The following SPARCL1 variants were observed in gnomAD, a reference collection of about 807,000 sequenced individuals.
SPARCL1 encodes the protein SPARC-like protein 1.
SPARCL1 carries 52 observed loss-of-function variants against 67.1 expected under a neutral mutation model. The observed-to-expected ratio is 0.78, with a 90% CI of 0.62 to 0.98. SPARCL1 has a LOEUF of 0.98. SPARCL1 is among the 50% of genes least tolerant of loss of function. The pLI, the probability that SPARCL1 is intolerant of heterozygous loss-of-function variation, is 0.00. For synonymous variants in SPARCL1, 226 were observed against 267.8 expected (o/e 0.84, Z 1.52); for missense variants, 717 against 782.4 (o/e 0.92, Z 1.00).
chr4:87,475,554 C>T (rs996178136), intron 10 of SPARCL1, among the ~76,000 whole-genome samples: 4 of 152,172 alleles, frequency 2.6e-5, no homozygotes, highest in African/African-American at 9.7e-5. Context: ...CAATTATTCT[C>T]TGTATGCTTA....
At chr4:87,486,214 T>C (rs1724051432) in intron 7 of SPARCL1, among the ~76,000 whole-genome samples, 1 of 152,174 alleles carries the variant, frequency 6.6e-6, no homozygotes, top group Admixed American at 6.6e-5. Flanking sequence ...GTGGTATATA[T>C]TTCCCTCTAA....
intron 1 of SPARCL1, among the ~76,000 whole-genome samples, chr4:87,503,683 C>CTTTTT (rs60057481): frequency 6.5e-5 from 9 of 138,066 alleles, no homozygotes; most frequent in African/African-American, 5.4e-5. Flanking sequence ...TTTTTTTTTC[C>CTTTTT]TTTTTTTTTT....
intron 7 of SPARCL1, among the ~76,000 whole-genome samples, chr4:87,488,275 T>C (rs1724156071): frequency 6.6e-6 from 1 of 151,986 alleles, no homozygotes; most frequent in South Asian, 2.1e-4. Context: ...TTGGATGGGG[T>C]TTTTGTGTGG....
intron 7 of SPARCL1, among the ~76,000 whole-genome samples, chr4:87,488,901 G>A (rs1019038393): frequency 1.3e-5 from 2 of 150,930 alleles, no homozygotes; most frequent in African/African-American, 5.0e-5. Flanking sequence ...AGGGAAAACC[G>A]CCAACTCAAG....
chr4:87,490,678 G>A, intron 6 of SPARCL1, 82 bp downstream of exon 6: 1 of 1,008,386 alleles, frequency 9.9e-7, no homozygotes, highest in East Asian at 2.5e-5. Flanking sequence ...CCTTTTTTAA[G>A]CAAAAATTTC....
intron 1 of SPARCL1, among the ~76,000 whole-genome samples, chr4:87,521,234 A>G (rs1418538650): frequency 6.6e-6 from 1 of 152,184 alleles, no homozygotes; most frequent in Non-Finnish European, 1.5e-5. Flanking sequence ...GAAGTTCTGT[A>G]TATTGCCATG....
chr4:87,483,770 C>T lies in SPARCL1; in HGVS notation c.1532-1210G>A, dbSNP rs534854617. On this transcript the variant is annotated intron_variant, in intron 7 of 10. Coordinates refer to ENST00000282470, the MANE Select transcript of SPARCL1 (RefSeq NM_004684.6). ...TGTTGTTTCCTGACTTTTTAATGAT[C>T]GCCATTCTAACTGGTGAGAGATGGT... 1.3e-3 allele frequency among the ~76,000 whole-genome samples: 203 copies of T among 152,244 alleles called. 1 individual carries two copies. The highest frequency in any genetic ancestry group is 3.4e-3 in the Middle Eastern group (1 of 294).
At chr4:87,473,986 C>T (rs1723458784) in intron 10 of SPARCL1, among the ~76,000 whole-genome samples, 183 bp from the exon 11 acceptor site, 1 of 152,130 alleles carries the variant, frequency 6.6e-6, no homozygotes, top group South Asian at 2.1e-4. Context: ...TAGGCCTCAC[C>T]TCTGGACTCT....
intron 1 of SPARCL1, among the ~76,000 whole-genome samples, chr4:87,521,785 C>A (rs1403132217): frequency 6.6e-6 from 1 of 152,222 alleles, no homozygotes; most frequent in African/African-American, 2.4e-5. Context: ...CTTGGCCTAT[C>A]ATTTCCTGGA....
intron 1 of SPARCL1, among the ~76,000 whole-genome samples, chr4:87,522,590 G>A (rs772962060): frequency 1.3e-5 from 2 of 149,906 alleles, no homozygotes; most frequent in Admixed American, 6.7e-5. Context: ...AAGTGTTCAC[G>A]CTGTCAGAAT....
At chr4:87,484,065 G>A (rs1482990434) in intron 7 of SPARCL1, among the ~76,000 whole-genome samples, 1 of 152,090 alleles carries the variant, frequency 6.6e-6, no homozygotes, top group African/African-American at 2.4e-5. Context: ...TTCTTTTGCT[G>A]TGCAGAAGCT....
chr4:87,507,479 G>A lies in SPARCL1; in HGVS notation c.-11-7894C>T, dbSNP rs1454833903. Reference sequence around the variant, plus strand: ...CATTTTTTTTAAATTCATTCATTGAGTACTTACTAGACACTGCCTAAGCAC... The same window carrying A: ...CATTTTTTTTAAATTCATTCATTGAATACTTACTAGACACTGCCTAAGCAC... On this transcript the variant is annotated intron_variant, in intron 1 of 10. Coordinates refer to ENST00000282470, the MANE Select transcript of SPARCL1 (RefSeq NM_004684.6). Among the ~76,000 whole-genome samples, 3 of 151,990 alleles carry A rather than the reference G, an allele frequency of 2.0e-5. No homozygotes were observed. The South Asian group carries it at 6.2e-4, about 31-fold the overall frequency.
chr4:87,482,486 T>C lies in SPARCL1; in HGVS notation c.1606A>G (p.Met536Val), dbSNP rs770299707. The change falls in exon 8 of 11, where the codon ATG (methionine) becomes GTG (valine). Residue 536 changes from methionine (M) to valine (V), a missense_variant. Met to Val is a conservative substitution (Grantham distance 21). Transcript: ENST00000282470. ...RMRDWLKNIL[M>V]QLYEANSEHA... is the part of the protein sequence containing the mutation. Reference sequence around the variant, plus strand: ...TCAGAGTTGGCTTCATAAAGCTGCATGAGGATATTCTTGAGCCAGTCTCTC... The same window carrying C: ...TCAGAGTTGGCTTCATAAAGCTGCACGAGGATATTCTTGAGCCAGTCTCTC... The C allele has an allele frequency of 1.9e-6, 3 of 1,613,948 alleles. No individual in the cohort carries two copies. The highest frequency in any genetic ancestry group is 2.2e-5 in the East Asian group (1 of 44,890).
chr4:87,478,638 A>C (rs746038254), intron 10 of SPARCL1, among the ~76,000 whole-genome samples: 8 of 151,838 alleles, frequency 5.3e-5, no homozygotes, highest in African/African-American at 7.3e-5. Flanking sequence ...GGGTTTCACC[A>C]TGTTGGCCAG....
At chr4:87,490,171 T>G in intron 7 of SPARCL1, 102 bp downstream of exon 7, 1 of 1,278,866 alleles carries the variant, frequency 7.8e-7, no homozygotes, top group Non-Finnish European at 1.0e-6. Context: ...TGTTCAGAAC[T>G]ACATCAGCTT....
chr4:87,488,853 C>T lies in SPARCL1; in HGVS notation c.1531+1420G>A, dbSNP rs149830145. Among the ~76,000 whole-genome samples the T allele has an allele frequency of 5.5e-3, 832 of 152,292 alleles. 2 individuals are homozygous for T. Among genetic ancestry groups the T allele is most frequent in the Middle Eastern group, 0.014 (4 of 294 alleles). The stretch of plus-strand genomic sequence containing the variant: ...TTTCTGGTGCTGCCGTGGGCTCCAC[C>T]CAGTCCGAACTTCCTAGCAGCTTTG... On this transcript the variant is annotated intron_variant, in intron 7 of 10. Coordinates refer to ENST00000282470, the MANE Select transcript of SPARCL1 (RefSeq NM_004684.6).
chr4:87,495,048 A>T lies in SPARCL1; in HGVS notation c.134T>A (p.Leu45Ter). Residue 45 changes from leucine (L) to a stop codon, truncating the protein, a stop_gained, in exon 3 of 11, where the codon TTA becomes TAA. Coordinates refer to ENST00000282470, the MANE Select transcript of SPARCL1 (RefSeq NM_004684.6). LOFTEE classifies it high-confidence loss of function. ...TTCATTTTCTTCAGCTTCAGCCCTT[A>T]AACTGGGGATTGCAGTGTTGTCAGG... Reference protein sequence around the residue: ...VAPDNTAIPSLRAEAEENEKE... With the variant: ...VAPDNTAIPS 6.2e-7 allele frequency: 1 copy of T among 1,613,196 alleles called. No individual in the cohort carries two copies. Among genetic ancestry groups the T allele is most frequent in the Non-Finnish European group, 8.5e-7 (1 of 1,179,630 alleles).
At chr4:87,499,468 C>A (rs1253484768) in intron 2 of SPARCL1, 53 bp downstream of exon 2, 1 of 1,368,730 alleles carries the variant, frequency 7.3e-7, no homozygotes, top group African/African-American at 1.5e-5. Flanking sequence ...TGGAGGATTT[C>A]TGCATTAAAT....
In SPARCL1 at chr4:87,494,919, T is replaced by G. The variant is rs1455198335; in HGVS notation, c.201+62A>C. ...AATAACATAATCTCTTTTACCATGC[T>G]TTGAAACTAAGACCTTTGGAGAATT... On this transcript the variant is annotated intron_variant, in intron 3 of 10. Coordinates refer to ENST00000282470, the MANE Select transcript of SPARCL1 (RefSeq NM_004684.6). 29 of 1,429,654 alleles carry G rather than the reference T, an allele frequency of 2.0e-5. No homozygotes were observed. The East Asian group carries it at 6.7e-4, about 33-fold the overall frequency. 88.6% of individuals were successfully genotyped at this position (1,429,654 alleles called of 1,614,324 possible).
Sources: gnomAD v4.1 joint callset for allele counts (sites outside exome capture counted in the v4.1 genomes callset) on GRCh38, gnomAD v4.1.1 for gene constraint, MANE v1.5 for transcripts, NCBI Gene and HGNC (gene_info 2026-07-23, HGNC 2026-07-21) for gene names.